The following ADAM12 variants were observed in gnomAD, a reference collection of about 807,000 sequenced individuals.
ADAM12 encodes the protein ADAM metallopeptidase domain 12.
ADAM12 carries 70 observed loss-of-function variants against 106.4 expected under a neutral mutation model. That is an observed-to-expected ratio of 0.66 (90% confidence interval 0.54 to 0.80). ADAM12 has a LOEUF of 0.80. Ranked by LOEUF, ADAM12 falls within the 30% of genes least tolerant of loss-of-function variation. ADAM12 has a pLI of 0.00. For missense variants in ADAM12, 1,010 were observed against 1,171.9 expected (o/e 0.86, Z 2.02); for synonymous variants, 420 against 433.5 (o/e 0.97, Z 0.39).
intron 3 of ADAM12, among the ~76,000 whole-genome samples, chr10:126,241,492 C>T (rs1590667993): frequency 6.6e-6 from 1 of 152,310 alleles, no homozygotes; most frequent in South Asian, 2.1e-4. Flanking sequence ...CTGACTTGCG[C>T]TCAAACTGGC....
At chr10:126,184,258 C>T (rs1472090082) in intron 3 of ADAM12, among the ~76,000 whole-genome samples, 3 of 152,134 alleles carry the variant, frequency 2.0e-5, no homozygotes, top group South Asian at 4.1e-4. Flanking sequence ...ATTTCGGTGC[C>T]GTTACATTCG....
intron 3 of ADAM12, among the ~76,000 whole-genome samples, chr10:126,179,124 G>A (rs1419861768): frequency 6.6e-6 from 1 of 152,160 alleles, no homozygotes. Context: ...CAACGTGACT[G>A]TAGTTTATTT....
At chr10:126,132,512 T>C (rs1288875794) in intron 5 of ADAM12, among the ~76,000 whole-genome samples, 2 of 124,132 alleles carry the variant, frequency 1.6e-5, no homozygotes, top group Non-Finnish European at 3.2e-5. Flanking sequence ...ATCCCAGGAG[T>C]GCTGCATGAA....
At chr10:126,350,187 C>T (rs982533671) in intron 1 of ADAM12, among the ~76,000 whole-genome samples, 3 of 152,218 alleles carry the variant, frequency 2.0e-5, no homozygotes, top group Non-Finnish European at 4.4e-5. Context: ...CACACTGGCA[C>T]ACATTGTAAT....
At chr10:126,232,200 A>G (rs1958325897) in intron 3 of ADAM12, among the ~76,000 whole-genome samples, 2 of 152,108 alleles carry the variant, frequency 1.3e-5, no homozygotes, top group South Asian at 2.1e-4. Flanking sequence ...GGTGGGCCCA[A>G]CGTAACCACA....
chr10:126,278,012 T>A (rs972479731), intron 3 of ADAM12, among the ~76,000 whole-genome samples: 10 of 152,124 alleles, frequency 6.6e-5, no homozygotes, highest in Non-Finnish European at 8.8e-5. Context: ...GGACTCCACA[T>A]CCCTGACAGA....
intron 4 of ADAM12, among the ~76,000 whole-genome samples, chr10:126,141,200 C>A (rs527525908): frequency 3.3e-5 from 5 of 152,392 alleles, no homozygotes; most frequent in African/African-American, 4.8e-5. Context: ...CCCTTACCAG[C>A]CAGCCAGCTG....
At chr10:126,285,595 G>T (rs1565190998) in intron 2 of ADAM12, among the ~76,000 whole-genome samples, 1 of 152,134 alleles carries the variant, frequency 6.6e-6, no homozygotes, top group Non-Finnish European at 1.5e-5. Flanking sequence ...CCTCTTTAGG[G>T]CATGTAGGCT....
At chr10:126,112,127 T>G (rs1207995475) in intron 6 of ADAM12, among the ~76,000 whole-genome samples, 1 of 151,960 alleles carries the variant, frequency 6.6e-6, no homozygotes, top group Non-Finnish European at 1.5e-5. Context: ...GCCATCATAC[T>G]CAGCAAACTA....
intron 3 of ADAM12, among the ~76,000 whole-genome samples, chr10:126,236,085 C>T (rs1300958298): frequency 6.6e-6 from 1 of 152,178 alleles, no homozygotes; most frequent in Non-Finnish European, 1.5e-5. Flanking sequence ...AAAGGACAGG[C>T]CACCAGCGCG....
chr10:126,242,936 C>A (rs1272074390), intron 3 of ADAM12, among the ~76,000 whole-genome samples: 1 of 152,172 alleles, frequency 6.6e-6, no homozygotes, highest in African/African-American at 2.4e-5. Context: ...AAAACTGTCC[C>A]CTGAAAGGGA....
chr10:126,330,356 T>C, intron 2 of ADAM12, 56 bp downstream of exon 2: 1 of 1,394,356 alleles, frequency 7.2e-7, no homozygotes, highest in South Asian at 1.2e-5. Context: ...CCAAAGCAGC[T>C]AATGTGATTT....
At chr10:126,285,434 G>A (rs1959807827) in intron 2 of ADAM12, among the ~76,000 whole-genome samples, 2 of 152,218 alleles carry the variant, frequency 1.3e-5, no homozygotes, top group African/African-American at 4.8e-5. Context: ...TATGCATGCA[G>A]GCATGTGCAT....
At chr10:126,092,296 G>A (rs999153869) in intron 11 of ADAM12, among the ~76,000 whole-genome samples, 8 of 152,148 alleles carry the variant, frequency 5.3e-5, no homozygotes, top group African/African-American at 1.9e-4. Context: ...GAGAAAACAC[G>A]AAGGCCACTC....
intron 9 of ADAM12, among the ~76,000 whole-genome samples, 163 bp downstream of exon 9, chr10:126,100,909 G>T (rs1014959592): frequency 9.9e-5 from 15 of 152,196 alleles, no homozygotes; most frequent in African/African-American, 3.6e-4. Flanking sequence ...TCAGTTCCAG[G>T]TGAGGGTGGC....
intron 21 of ADAM12, among the ~76,000 whole-genome samples, chr10:126,025,078 C>T (rs1953843869): frequency 6.6e-6 from 1 of 152,050 alleles, no homozygotes; most frequent in South Asian, 2.1e-4. Flanking sequence ...TAGATAAGCC[C>T]ACAAAGATGA....
At chr10:126,041,848 C>A in intron 18 of ADAM12, 3 of 1,258,954 alleles carry the variant, frequency 2.4e-6, no homozygotes. Context: ...AGGGCTGGGG[C>A]CTGCCAGAGT....
intron 2 of ADAM12, among the ~76,000 whole-genome samples, chr10:126,293,707 G>A (rs1960252732): frequency 6.6e-6 from 1 of 152,102 alleles, no homozygotes; most frequent in Non-Finnish European, 1.5e-5. Flanking sequence ...TTTTAGTACA[G>A]ACAGGGTTGC....
chr10:126,216,856 A>G (rs1199538259), intron 3 of ADAM12, among the ~76,000 whole-genome samples: 1 of 152,236 alleles, frequency 6.6e-6, no homozygotes, highest in African/African-American at 2.4e-5. Context: ...AAGATGATCC[A>G]TGAGGTACCC....
Sources: gnomAD v4.1 joint callset for allele counts (sites outside exome capture counted in the v4.1 genomes callset) on GRCh38, gnomAD v4.1.1 for gene constraint, MANE v1.5 for transcripts, NCBI Gene and HGNC (gene_info 2026-07-23, HGNC 2026-07-21) for gene names.